Variants in DEPDC1 observed in about 807,000 individuals in gnomAD.
DEPDC1 encodes DEP domain-containing protein 1A.
Under a neutral mutation model 86.8 loss-of-function variants are expected in DEPDC1, and 66 were observed. The ratio of observed to expected loss-of-function variants is 0.76; its 90% CI spans 0.62 to 0.93. The LOEUF (loss-of-function observed/expected upper bound fraction) is 0.93. Ranked by LOEUF, DEPDC1 falls within the 40% of genes least tolerant of loss-of-function variation. The pLI is 0.00. For synonymous variants in DEPDC1, 255 were observed against 314.9 expected, an observed-to-expected ratio of 0.81 and a Z score of 2.02; for missense variants, 792 against 935.7, an observed-to-expected ratio of 0.85 and a Z score of 2.00.
rs546144466 is a variant in DEPDC1, at chr1:68,487,060, G to A, written c.722-76C>T. On this transcript the variant is annotated intron_variant, in intron 5 of 11. Transcript: ENST00000456315. The stretch of plus-strand genomic sequence containing the variant: ...GTATATTTTAAAATATCACACTTAC[G>A]TGCAATTATATATATGTATATACAC... 427 of 1,340,932 alleles carry A rather than the reference G, an allele frequency of 3.2e-4. 5 individuals are homozygous for A. In the South Asian group the frequency reaches 5.5e-3, roughly 17 times the overall value. 83.1% of individuals were successfully genotyped at this position (1,340,932 alleles called of 1,614,324 possible).
chr1:68,488,082 A>G (rs1304431893), intron 5 of DEPDC1, among the ~76,000 whole-genome samples: 1 of 151,870 alleles, frequency 6.6e-6, no homozygotes, highest in Non-Finnish European at 1.5e-5. Context: ...CTCAACAAAA[A>G]TGTGCTTAAT....
chr1:68,478,989 T>C (rs1646135563), intron 10 of DEPDC1, 155 bp downstream of exon 10: 1 of 594,938 alleles, frequency 1.7e-6, no homozygotes, highest in Admixed American at 3.3e-5. Flanking sequence ...AAGAGTCATA[T>C]AGCTATTTGA....
intron 9 of DEPDC1, among the ~76,000 whole-genome samples, chr1:68,480,862 TA>T (rs923182828): frequency 1.3e-5 from 2 of 150,736 alleles, no homozygotes; most frequent in African/African-American, 4.9e-5. Flanking sequence ...AGTGGTGACT[TA>T]AAAAAAAAGA....
intron 2 of DEPDC1, among the ~76,000 whole-genome samples, chr1:68,493,457 G>C (rs543828650): frequency 6.6e-6 from 1 of 152,238 alleles, no homozygotes; most frequent in Admixed American, 6.5e-5. Context: ...TAAAGGAGCT[G>C]AGATTAAAAG....
chr1:68,481,757 G>A, intron 8 of DEPDC1, 145 bp from the exon 9 acceptor site: 3 of 704,732 alleles, frequency 4.3e-6, no homozygotes, highest in Middle Eastern at 2.6e-4. Context: ...TTCCTCTAAA[G>A]CATGGTAAGA....
rs770109917 is a variant in DEPDC1 at position 68,477,776 on chromosome 1, C to T, written c.2298+11G>A. On this transcript the variant is annotated intron_variant, in intron 11 of 11. Coordinates refer to ENST00000456315, the MANE Select transcript of DEPDC1 (RefSeq NM_001114120.3). ...ATGTTTACATGATTGAGAACTTGCTCATTCTCTTACCTGTTTTAGTTTTTT... is the reference window on the plus strand; with the variant it reads ...ATGTTTACATGATTGAGAACTTGCTTATTCTCTTACCTGTTTTAGTTTTTT... The T allele has an allele frequency of 4.1e-6, 6 of 1,460,596 alleles. No homozygotes were observed. The highest frequency in any genetic ancestry group is 4.4e-5 in the Admixed American group (2 of 45,208). 90.5% of individuals were successfully genotyped at this position (1,460,596 alleles called of 1,614,324 possible). A position where few individuals can be genotyped will look rare whatever the true frequency, so the allele number is the denominator to read the frequency against.
intron 6 of DEPDC1, 52 bp downstream of exon 6, chr1:68,486,885 C>T: frequency 3.0e-6 from 1 of 334,112 alleles, no homozygotes; most frequent in East Asian, 5.6e-5. Flanking sequence ...CAATATAACA[C>T]ACACACACAC....
chr1:68,488,053 C>G (rs10789264), intron 5 of DEPDC1, among the ~76,000 whole-genome samples: 85,585 of 151,622 alleles, frequency 0.56, 25,124 homozygotes, highest in Middle Eastern at 0.82. Context: ...TTAGCACAAT[C>G]TCTGACGTGT....
chr1:68,477,081 G>A lies in DEPDC1; in HGVS notation c.2299-12C>T. 6.3e-7 allele frequency: 1 copy of A among 1,582,424 alleles called. No homozygotes were observed. Among genetic ancestry groups the A allele is most frequent in the South Asian group, 1.2e-5 (1 of 86,460 alleles). On this transcript the variant is annotated splice_polypyrimidine_tract_variant and intron_variant, in intron 11 of 11. Transcript: ENST00000456315. ...TATTCCTTCTGAAACTTAAAAATGAGGTGAGAAATTAGAAGGTATTTAACA... is the reference window on the plus strand; with the variant it reads ...TATTCCTTCTGAAACTTAAAAATGAAGTGAGAAATTAGAAGGTATTTAACA...
chr1:68,495,833 T>C (rs1038032295), intron 1 of DEPDC1, among the ~76,000 whole-genome samples: 1 of 152,196 alleles, frequency 6.6e-6, no homozygotes, highest in African/African-American at 2.4e-5. Flanking sequence ...ATTGGAATGA[T>C]AAAATGATGT....
At chr1:68,480,252 C>CCACACACACACA (rs72099346) in intron 9 of DEPDC1, among the ~76,000 whole-genome samples, 3 of 145,528 alleles carry the variant, frequency 2.1e-5, no homozygotes, top group East Asian at 4.5e-4. Flanking sequence ...TCTAACTGTA[C>CCACACACACACA]CACACACACA....
chr1:68,481,846 T>C (rs1254659952), intron 8 of DEPDC1, 200 bp downstream of exon 8: 2 of 625,160 alleles, frequency 3.2e-6, no homozygotes, highest in African/African-American at 1.9e-5. Flanking sequence ...TCAGAATAAA[T>C]GAAATTGCAA....
chr1:68,480,592 T>C (rs1646148720), intron 9 of DEPDC1, among the ~76,000 whole-genome samples: 1 of 151,998 alleles, frequency 6.6e-6, no homozygotes, highest in Admixed American at 6.6e-5. Flanking sequence ...AAATTTCAAT[T>C]TCTCTTGGAG....
chr1:68,478,446 A>ATT (rs34245196), intron 10 of DEPDC1, among the ~76,000 whole-genome samples: 8 of 146,270 alleles, frequency 5.5e-5, no homozygotes, highest in African/African-American at 5.0e-5. Flanking sequence ...GTTTTCATGT[A>ATT]TTTTTTTTTT....
chr1:68,494,601 T>G lies in DEPDC1; in HGVS notation c.143A>C (p.Glu48Ala). ...TAGGTCATAAAGCCAATCCACTGCT[T>G]CTCCTGCTGTGAAACAATTGCCATA... ...KKYGNCFTAG[E>A]AVDWLYDLLR... The change falls in exon 2 of 12, where the codon GAA (glutamate) becomes GCA (alanine). Residue 48 changes from glutamate to alanine, a missense_variant. By Grantham distance (107) the Glu-to-Ala change is moderately radical. Transcript: ENST00000456315. 1 of 1,613,816 alleles carries G rather than the reference T, an allele frequency of 6.2e-7. No homozygotes were observed. The highest frequency in any genetic ancestry group is 8.5e-7 in the Non-Finnish European group (1 of 1,179,786).
At position 68,482,091 on chromosome 1, in the gene DEPDC1, C is replaced by T. The variant is rs758044681; in HGVS notation, c.1717G>A (p.Glu573Lys). 3.1e-6 allele frequency: 5 copies of T among 1,603,474 alleles called. No individual in the cohort carries two copies. In the African/African-American group the frequency reaches 6.8e-5, roughly 22 times the overall value. ...GAAGAAGCTGGAAGTAAAGAATTTT[C>T]TGAAAGTTCTATTGTACTTTTGCAG... is the stretch of plus-strand genomic sequence containing the variant. Reference protein sequence around the residue: ...RLCKSTIELSENSLLPASSML... With the variant: ...RLCKSTIELSKNSLLPASSML... The change falls in exon 8 of 12, where the codon GAA becomes AAA. Residue 573 changes from glutamate (E) to lysine (K), a missense_variant. Physicochemically the swap from Glu to Lys is moderately conservative, Grantham distance 56 (BLOSUM62 1). Coordinates refer to ENST00000456315, the MANE Select transcript of DEPDC1 (RefSeq NM_001114120.3).
chr1:68,483,404 A>G (rs1251922983), intron 7 of DEPDC1: 5 of 480,636 alleles, frequency 1.0e-5, no homozygotes. Flanking sequence ...TTGAATTTTC[A>G]TCACCAACTA....
At chr1:68,486,389 C>G (rs1646192887) in intron 6 of DEPDC1, among the ~76,000 whole-genome samples, 1 of 152,050 alleles carries the variant, frequency 6.6e-6, no homozygotes, top group Admixed American at 6.6e-5. Context: ...TTTCCTGAGG[C>G]CTCCTCAGCC....
chr1:68,496,736 G>T lies in DEPDC1; in HGVS notation c.48+216C>A. ...CGGCCTACGCGCGGCGCTTCCTTTC[G>T]GACCTGAGGCCCAGACCCTCAAAAT... On this transcript the variant is annotated intron_variant, in intron 1 of 11. Coordinates refer to ENST00000456315, the MANE Select transcript of DEPDC1 (RefSeq NM_001114120.3). The surrounding 1 kb of genome is among the most constrained non-coding windows in gnomAD (Gnocchi z 4.0). The T allele has an allele frequency of 6.4e-6, 3 of 465,258 alleles. No individual in the cohort carries two copies. Among genetic ancestry groups the T allele is most frequent in the Non-Finnish European group, 7.7e-6 (2 of 260,248 alleles). The allele number at this position is 465,258 out of a possible 1,614,324, so 28.8% of individuals were successfully genotyped here.
Sources: allele counts gnomAD v4.1 joint callset (sites outside exome capture counted in the v4.1 genomes callset), GRCh38; gene constraint gnomAD v4.1.1; non-coding constraint Gnocchi (gnomAD v3.1); transcripts MANE v1.5; gene names NCBI Gene and HGNC (gene_info 2026-07-23, HGNC 2026-07-21).